Variants in MFHAS1 observed in about 807,000 individuals in gnomAD.
MFHAS1 encodes multifunctional ROCO family signaling regulator 1, also known as malignant fibrous histiocytoma-amplified sequence 1.
In MFHAS1, 50 loss-of-function variants were observed where a neutral mutation model predicts 70.4. The observed-to-expected ratio is 0.71, with a 90% CI of 0.57 to 0.90. MFHAS1 has a LOEUF of 0.90. MFHAS1 is among the 40% of genes least tolerant of loss of function. The pLI is 0.00. For synonymous variants in MFHAS1, 952 were observed against 620.0 expected, an observed-to-expected ratio of 1.54 and a Z score of -7.96; for missense variants, 1,795 against 1,347.6, an observed-to-expected ratio of 1.33 and a Z score of -5.20.
At position 8,888,921 on chromosome 8, in the gene MFHAS1, C is replaced by G. The variant is rs561025139; in HGVS notation, c.2998+1140G>C. Among the ~76,000 whole-genome samples the G allele has an allele frequency of 4.7e-4, 70 of 150,312 alleles. No homozygotes were observed. In the Middle Eastern group the frequency reaches 0.014, roughly 30 times the overall value. On this transcript the variant is annotated intron_variant, in intron 1 of 2. Transcript: ENST00000276282. ...GTACTGCTCTGGTGGGAGATGTTGA[C>G]GTTGGTGAAGCTACGCATGTGGGGA...
chr8:8,863,995 C>CT (rs1414702243), intron 1 of MFHAS1, among the ~76,000 whole-genome samples: 1 of 152,172 alleles, frequency 6.6e-6, no homozygotes, highest in Admixed American at 6.5e-5. Flanking sequence ...TGTTGACCAA[C>CT]TCCTCTTCCT....
intron 1 of MFHAS1, among the ~76,000 whole-genome samples, chr8:8,819,899 C>T (rs1332070777): frequency 6.6e-6 from 1 of 152,084 alleles, no homozygotes; most frequent in African/African-American, 2.4e-5. Context: ...GGGGTCTTTA[C>T]ATTACCCAGG....
chr8:8,833,497 T>C (rs892101575), intron 1 of MFHAS1, among the ~76,000 whole-genome samples: 3 of 152,030 alleles, frequency 2.0e-5, no homozygotes, highest in Non-Finnish European at 1.5e-5. Context: ...GGCGTGGTGG[T>C]ACATGCCTGA....
At chr8:8,795,814 G>A (rs1327251893) in intron 2 of MFHAS1, among the ~76,000 whole-genome samples, 2 of 152,212 alleles carry the variant, frequency 1.3e-5, no homozygotes, top group African/African-American at 4.8e-5. Flanking sequence ...GGAGATGACA[G>A]GTCACAATTC....
At chr8:8,857,482 G>A (rs746872881) in intron 1 of MFHAS1, among the ~76,000 whole-genome samples, 2 of 152,098 alleles carry the variant, frequency 1.3e-5, no homozygotes, top group African/African-American at 2.4e-5. Context: ...GTTCAGGCCC[G>A]GCGCGGTGTC....
At chr8:8,867,566 T>C (rs1808907081) in intron 1 of MFHAS1, among the ~76,000 whole-genome samples, 1 of 151,322 alleles carries the variant, frequency 6.6e-6, no homozygotes, top group South Asian at 2.1e-4. Context: ...TGCTATACTT[T>C]TTTTTTTTTT....
At chr8:8,802,590 G>C (rs903326343) in intron 1 of MFHAS1, among the ~76,000 whole-genome samples, 4 of 152,216 alleles carry the variant, frequency 2.6e-5, no homozygotes, top group Admixed American at 6.5e-5. Context: ...ACAGATTTCT[G>C]TTCCTTATAA....
intron 1 of MFHAS1, among the ~76,000 whole-genome samples, chr8:8,854,954 C>A (rs942250025): frequency 2.0e-5 from 3 of 152,006 alleles, no homozygotes; most frequent in East Asian, 1.9e-4. Flanking sequence ...CTATACCCCA[C>A]GCTGGAGTGC....
At chr8:8,853,781 G>C (rs955945693) in intron 1 of MFHAS1, among the ~76,000 whole-genome samples, 4 of 152,172 alleles carry the variant, frequency 2.6e-5, no homozygotes, top group Non-Finnish European at 4.4e-5. Flanking sequence ...GGGCAGGCTA[G>C]TCTCGAACTC....
In MFHAS1 at chr8:8,890,985, G is replaced by A. The variant is rs1379188568; in HGVS notation, c.2074C>T (p.Gln692Ter). 6.2e-7 allele frequency: 1 copy of A among 1,613,954 alleles called. No homozygotes were observed. The highest frequency in any genetic ancestry group is 1.1e-5 in the South Asian group (1 of 91,078). ...SWWDSARLGL[Q>*]AGLTEDRLQS... Reference sequence around the variant, plus strand: ...AGTCGGTCCTCGGTCAGACCCGCCTGCAGGCCCAAGCGCGCCGAGTCCCAC... The same window carrying A: ...AGTCGGTCCTCGGTCAGACCCGCCTACAGGCCCAAGCGCGCCGAGTCCCAC... Residue 692 changes from glutamine to a stop codon, truncating the protein, a stop_gained, in exon 1 of 3, where the codon CAG becomes TAG. Transcript: ENST00000276282. LOFTEE classifies it high-confidence loss of function.
chr8:8,880,118 T>C (rs1285290126), intron 1 of MFHAS1, among the ~76,000 whole-genome samples: 2 of 152,184 alleles, frequency 1.3e-5, no homozygotes, highest in Admixed American at 6.5e-5. Context: ...TTCTGTCCTC[T>C]CATCCACACT....
intron 1 of MFHAS1, among the ~76,000 whole-genome samples, chr8:8,829,076 C>G (rs1807271660): frequency 6.6e-6 from 1 of 152,132 alleles, no homozygotes; most frequent in African/African-American, 2.4e-5. Flanking sequence ...CTTTGTGATC[C>G]AGCCCCCTGC....
intron 2 of MFHAS1, among the ~76,000 whole-genome samples, chr8:8,790,978 G>A (rs1161513070): frequency 6.6e-6 from 1 of 152,150 alleles, no homozygotes; most frequent in African/African-American, 2.4e-5. Flanking sequence ...TTGCTTGAAT[G>A]GGAACTCTAC....
At chr8:8,858,168 T>C (rs1315296442) in intron 1 of MFHAS1, among the ~76,000 whole-genome samples, 1 of 151,918 alleles carries the variant, frequency 6.6e-6, no homozygotes. Context: ...AGGCAGGGAG[T>C]AGTTAAGAAG....
At chr8:8,793,373 A>C (rs559748922) in intron 2 of MFHAS1, among the ~76,000 whole-genome samples, 94 of 152,356 alleles carry the variant, frequency 6.2e-4, no homozygotes, top group African/African-American at 2.2e-3. Context: ...CAGGCAGTTA[A>C]ATGACAAGTC....
intron 1 of MFHAS1, among the ~76,000 whole-genome samples, chr8:8,869,036 C>G (rs11998339): frequency 0.062 from 9,377 of 152,180 alleles, 573 homozygotes; most frequent in African/African-American, 0.16. Context: ...AAGTAGTTAA[C>G]AGCTATGCAA....
At chr8:8,869,403 A>T (rs1482960976) in intron 1 of MFHAS1, among the ~76,000 whole-genome samples, 1 of 152,232 alleles carries the variant, frequency 6.6e-6, no homozygotes, top group Non-Finnish European at 1.5e-5. Context: ...CATGCCAAGC[A>T]CGCGACAATC....
At chr8:8,816,967 G>C (rs1024825868) in intron 1 of MFHAS1, among the ~76,000 whole-genome samples, 1 of 152,152 alleles carries the variant, frequency 6.6e-6, no homozygotes, top group African/African-American at 2.4e-5. Context: ...CTCCCTACCT[G>C]TTTACAAGGT....
chr8:8,821,377 C>T (rs374294140), intron 1 of MFHAS1, among the ~76,000 whole-genome samples: 28 of 152,344 alleles, frequency 1.8e-4, no homozygotes, highest in African/African-American at 6.5e-4. Context: ...CCGAATTTTA[C>T]AGAATGCAAG....
Sources: gnomAD v4.1 joint callset for allele counts (sites outside exome capture counted in the v4.1 genomes callset) on GRCh38, gnomAD v4.1.1 for gene constraint, MANE v1.5 for transcripts, NCBI Gene and HGNC (gene_info 2026-07-23, HGNC 2026-07-21) for gene names.